The following BLNK variants were observed in gnomAD, a reference collection of about 807,000 sequenced individuals.
BLNK encodes B cell linker, also known as B-cell linker protein.
BLNK carries 29 observed loss-of-function variants against 73.5 expected under a neutral mutation model. The ratio of observed to expected loss-of-function variants is 0.39; its 90% confidence interval spans 0.29 to 0.54. BLNK has a LOEUF of 0.54. BLNK is among the 20% of genes least tolerant of loss of function. BLNK has a pLI of 0.61. For missense variants in BLNK, 460 were observed against 562.8 expected, an observed-to-expected ratio of 0.82 and a Z score of 1.85; for synonymous variants, 176 against 200.8, an observed-to-expected ratio of 0.88 and a Z score of 1.04.
At chr10:96,223,697 G>T in intron 6 of BLNK, 129 bp downstream of exon 6, 1 of 1,122,988 alleles carries the variant, frequency 8.9e-7, no homozygotes. Context: ...TGGTATAATA[G>T]TGGAGAGTTA....
At chr10:96,221,223 G>C (rs2084190143) in intron 6 of BLNK, among the ~76,000 whole-genome samples, 1 of 152,176 alleles carries the variant, frequency 6.6e-6, no homozygotes, top group Admixed American at 6.5e-5. Context: ...AAAGTGCTCA[G>C]AACACCAGTG....
At chr10:96,199,792 G>T (rs587684483) in intron 15 of BLNK, among the ~76,000 whole-genome samples, 6 of 152,256 alleles carry the variant, frequency 3.9e-5, no homozygotes, top group Admixed American at 1.3e-4. Context: ...GGCCAAGGCC[G>T]CCAGGCAGAT....
rs2083303839 is a variant in BLNK at position 96,189,999 on chromosome 10, T to C, written c.*1974A>G. On this transcript the variant is annotated 3_prime_UTR_variant, in exon 17 of 17. Transcript: ENST00000224337. ...ACAGACATTTTCAAAGGTGCCAGTG[T>C]TATTTAATTGGACTGCCTTCATAAT... 1 of 819,428 alleles carries C rather than the reference T, an allele frequency of 1.2e-6. No homozygotes were observed. Among genetic ancestry groups the C allele is most frequent in the Non-Finnish European group, 2.1e-6 (1 of 470,006 alleles). The allele number at this position is 819,428 out of a possible 1,614,324, so 50.8% of individuals were successfully genotyped here.
chr10:96,197,275 C>T (rs1365324864), intron 15 of BLNK, among the ~76,000 whole-genome samples: 9 of 151,866 alleles, frequency 5.9e-5, no homozygotes, highest in African/African-American at 2.2e-4. Context: ...TGAGTGAGAT[C>T]AATGCTTGCC....
chr10:96,261,926 A>C (rs1564853463), intron 1 of BLNK, among the ~76,000 whole-genome samples: 1 of 152,202 alleles, frequency 6.6e-6, no homozygotes, highest in Non-Finnish European at 1.5e-5. Flanking sequence ...GGGGTAAAAA[A>C]TGGAATGGGG....
In BLNK at chr10:96,200,857, A is replaced by C; in HGVS notation, c.1011+125T>G. The C allele has an allele frequency of 1.1e-6, 1 of 914,478 alleles. No individual in the cohort carries two copies. Among genetic ancestry groups the C allele is most frequent in the Non-Finnish European group, 1.8e-6 (1 of 549,162 alleles). 56.6% of individuals were successfully genotyped at this position (914,478 alleles called of 1,614,324 possible). A position where few individuals can be genotyped will look rare whatever the true frequency, so the allele number is the denominator to read the frequency against. ...TGTCCCTATTACCAAATGACAGTTC[A>C]CATAATGATGTAAAATACAGTCTCT... On this transcript the variant is annotated intron_variant, in intron 14 of 16. Transcript: ENST00000224337. This position sits in a 1 kb window ranked among gnomAD's most constrained non-coding sequence, Gnocchi z 4.3.
chr10:96,212,259 G>A (rs587681653), intron 8 of BLNK, among the ~76,000 whole-genome samples: 4 of 152,236 alleles, frequency 2.6e-5, no homozygotes, highest in Admixed American at 6.5e-5. Flanking sequence ...ATGGGTCACT[G>A]GCCCATGAAA....
chr10:96,218,024 C>A (rs1268450117), intron 6 of BLNK, among the ~76,000 whole-genome samples: 2 of 152,210 alleles, frequency 1.3e-5, no homozygotes, highest in African/African-American at 4.8e-5. Context: ...GTGGATACAT[C>A]TAGCACCATT....
At chr10:96,203,994 A>G (rs1554896815) in intron 13 of BLNK, 63 bp downstream of exon 13, 1 of 1,435,314 alleles carries the variant, frequency 7.0e-7, no homozygotes, top group Non-Finnish European at 9.8e-7. Context: ...ACCCAGGCCT[A>G]TCAGACTCTA....
chr10:96,248,808 G>T (rs1383200411), intron 1 of BLNK, among the ~76,000 whole-genome samples: 2 of 152,164 alleles, frequency 1.3e-5, no homozygotes, highest in African/African-American at 4.8e-5. Flanking sequence ...CTAAAAAAAA[G>T]AGGAATATAC....
chr10:96,209,839 C>G lies in BLNK; in HGVS notation c.745G>C (p.Gly249Arg). The part of the protein sequence containing the change: ...PAAPSPLPRA[G>R]KKPTTPLKTT... ...CTGCTTCCTGCAACAGGTACTTACC[C>G]GGCCCGTGGCAACGGGGATGGTGCA... Residue 249 changes from glycine to arginine, a missense_variant and splice_region_variant, in exon 9 of 17, where the codon GGG becomes CGG. By Grantham distance (125) the Gly-to-Arg change is moderately radical. Transcript: ENST00000224337. 1.2e-6 allele frequency: 2 copies of G among 1,614,212 alleles called. No individual in the cohort carries two copies. The highest frequency in any genetic ancestry group is 1.7e-6 in the Non-Finnish European group (2 of 1,180,028).
chr10:96,237,418 A>C (rs12765160), intron 3 of BLNK, among the ~76,000 whole-genome samples: 2 of 151,946 alleles, frequency 1.3e-5, no homozygotes, highest in Non-Finnish European at 2.9e-5. Flanking sequence ...TCCTCCCTGC[A>C]TGATAGCAGA....
intron 6 of BLNK, among the ~76,000 whole-genome samples, chr10:96,223,563 G>A (rs1554901683): frequency 2.0e-5 from 3 of 152,292 alleles, no homozygotes; most frequent in Non-Finnish European, 4.4e-5. Context: ...AGATTCACAG[G>A]AAACCCCAGG....
intron 1 of BLNK, among the ~76,000 whole-genome samples, chr10:96,249,148 T>C (rs1359977419): frequency 6.6e-6 from 1 of 152,256 alleles, no homozygotes; most frequent in East Asian, 1.9e-4. Flanking sequence ...TGTACACAGC[T>C]ATTGTTCTTG....
chr10:96,195,566 CAAAT>C (rs2083444553), intron 16 of BLNK, among the ~76,000 whole-genome samples: 1 of 152,142 alleles, frequency 6.6e-6, no homozygotes, highest in Non-Finnish European at 1.5e-5. Context: ...TCCTAAAGGA[CAAAT>C]ACTGTGTGAT....
chr10:96,231,293 G>A (rs1175231859), intron 3 of BLNK, among the ~76,000 whole-genome samples: 1 of 152,162 alleles, frequency 6.6e-6, no homozygotes, highest in Non-Finnish European at 1.5e-5. Flanking sequence ...TATACAATGA[G>A]GGGATCATTT....
chr10:96,199,941 T>C, intron 15 of BLNK, 134 bp downstream of exon 15: 1 of 487,982 alleles, frequency 2.0e-6, no homozygotes, highest in Non-Finnish European at 3.2e-6. Context: ...TGAGAATCAC[T>C]TGAACTTGGG....
At chr10:96,207,184 C>A in intron 10 of BLNK, 131 bp from the exon 11 acceptor site, 1 of 826,970 alleles carries the variant, frequency 1.2e-6, no homozygotes, top group Non-Finnish European at 2.0e-6. Context: ...TCAATCACAA[C>A]AACAATTACA....
At chr10:96,199,968 C>T (rs1393186973) in intron 15 of BLNK, 107 bp downstream of exon 15, 16 of 702,500 alleles carry the variant, frequency 2.3e-5, no homozygotes, top group South Asian at 1.9e-4. Flanking sequence ...GCAGAGGTTG[C>T]AGTGAGCTGA....
Sources: allele counts gnomAD v4.1 joint callset (sites outside exome capture counted in the v4.1 genomes callset), GRCh38; gene constraint gnomAD v4.1.1; non-coding constraint Gnocchi (gnomAD v3.1); transcripts MANE v1.5; gene names NCBI Gene and HGNC (gene_info 2026-07-23, HGNC 2026-07-21).